The following RNF14 variants were observed in gnomAD, a reference collection of about 807,000 sequenced individuals.
The protein encoded by RNF14 is ring finger protein 14, also known as E3 ubiquitin-protein ligase RNF14.
A neutral mutation model predicts 52.6 loss-of-function variants in RNF14; 26 were observed. That is an observed-to-expected ratio of 0.49 (90% confidence interval 0.36 to 0.69). The LOEUF (loss-of-function observed/expected upper bound fraction) is 0.69. RNF14 is among the 30% of genes least tolerant of loss of function. The pLI is 0.00. For missense variants in RNF14, 404 were observed against 560.4 expected (o/e 0.72, Z 2.82); for synonymous variants, 194 against 202.0 (o/e 0.96, Z 0.34).
At chr5:141,979,979 A>G (rs1754620701) in intron 5 of RNF14, 144 bp from the exon 6 acceptor site, 2 of 663,026 alleles carry the variant, frequency 3.0e-6, no homozygotes, top group South Asian at 3.6e-5. Context: ...ATCTCAGTCA[A>G]AATGTACTTG....
Position 141,974,953 on chromosome 5 carries a change from CAGGTT to C in RNF14, c.306+1_306+5del, listed in dbSNP as rs1179463779. 6.2e-7 allele frequency: 1 copy of C among 1,613,462 alleles called. No individual in the cohort carries two copies. Among genetic ancestry groups the C allele is most frequent in the Non-Finnish European group, 8.5e-7 (1 of 1,179,836 alleles). On this transcript the variant is annotated splice_donor_variant and splice_donor_region_variant and coding_sequence_variant and intron_variant, in exon 4 of 9. Transcript: ENST00000394520. LOFTEE classifies it high-confidence loss of function. The stretch of plus-strand genomic sequence containing the variant: ...TAGTGGCAAATGGCTGTCACCAACT[CAGGTT>C]AGACTTGAAACTTAATTTTTCCTAT...
At position 141,978,715 on chromosome 5, in the gene RNF14, A is replaced by C; in HGVS notation, c.719A>C (p.His240Pro). The C allele has an allele frequency of 6.2e-7, 1 of 1,614,004 alleles. No homozygotes were observed. Reference sequence around the variant, plus strand: ...TGCATGTACTTCTTGGAGTGCAGGCATGTGTACTGCAAAGCCTGTCTGAAG... The same window carrying C: ...TGCATGTACTTCTTGGAGTGCAGGCCTGTGTACTGCAAAGCCTGTCTGAAG... ...SECMYFLECRHVYCKACLKDY... is the reference protein window; with the variant it reads ...SECMYFLECRPVYCKACLKDY... Residue 240 changes from histidine to proline, a missense_variant, in exon 5 of 9, where the codon CAT (histidine) becomes CCT (proline). His to Pro is a moderately conservative substitution (Grantham distance 77, BLOSUM62 -2). Coordinates refer to ENST00000394520, the MANE Select transcript of RNF14 (RefSeq NM_004290.5).
chr5:141,969,428 G>C (rs1351347150), intron 1 of RNF14: 2 of 152,370 alleles, frequency 1.3e-5, no homozygotes, highest in Non-Finnish European at 2.9e-5. Context: ...CTGGCCAGCA[G>C]CTCACACATC....
chr5:141,953,172 G>A, the RNF14 span: 2 of 152,170 alleles, frequency 1.3e-5, no homozygotes, highest in African/African-American at 2.4e-5. Flanking sequence ...GCCCAGACTC[G>A]AATCAGTCAG....
At chr5:141,980,731 G>A (rs1320487096) in intron 6 of RNF14, among the ~76,000 whole-genome samples, 1 of 152,224 alleles carries the variant, frequency 6.6e-6, no homozygotes, top group Non-Finnish European at 1.5e-5. Context: ...GGACTTGAAG[G>A]AGGTAAGAAA....
upstream of RNF14, chr5:141,956,196 C>G: frequency 6.2e-7 from 1 of 1,614,176 alleles, no homozygotes; most frequent in Non-Finnish European, 8.5e-7. Context: ...AGAGGCTGAC[C>G]CACACAGAGA....
chr5:141,973,324 C>T (rs1449595439), intron 2 of RNF14, among the ~76,000 whole-genome samples: 1 of 151,332 alleles, frequency 6.6e-6, no homozygotes, highest in Non-Finnish European at 1.5e-5. Flanking sequence ...CTGCAGTCTC[C>T]ACCTCCCGGT....
chr5:141,956,740 C>G (rs1269565038), upstream of RNF14: 5 of 1,614,142 alleles, frequency 3.1e-6, no homozygotes, highest in African/African-American at 5.3e-5. Context: ...AGCAATAAAA[C>G]TGTCCTTGGG....
intron 3 of RNF14, 131 bp downstream of exon 3, chr5:141,973,873 GTT>G: frequency 1.3e-6 from 1 of 753,576 alleles, no homozygotes; most frequent in Non-Finnish European, 2.0e-6. Context: ...GCATGTTTCT[GTT>G]TTAAATGAAA....
chr5:141,954,659 C>A (rs1305444175), upstream of RNF14, among the ~76,000 whole-genome samples: 1 of 152,166 alleles, frequency 6.6e-6, no homozygotes, highest in Non-Finnish European at 1.5e-5. Flanking sequence ...TTGTGAGGCA[C>A]CATAAATGCC....
chr5:141,953,831 G>A (rs529639867), upstream of RNF14, among the ~76,000 whole-genome samples: 54 of 152,362 alleles, frequency 3.5e-4, no homozygotes, highest in Middle Eastern at 3.4e-3. Context: ...TTCCTGAGGA[G>A]GGAATAGGGA....
chr5:141,984,101 CTT>C (rs201857998), intron 7 of RNF14, among the ~76,000 whole-genome samples: 27 of 136,568 alleles, frequency 2.0e-4, no homozygotes, highest in Non-Finnish European at 1.6e-4. Context: ...TATGTAATCA[CTT>C]TTTTTTTTTT....
At chr5:141,951,477 G>C in the RNF14 span, 1 of 1,602,316 alleles carries the variant, frequency 6.2e-7, no homozygotes, top group Non-Finnish European at 8.6e-7. Context: ...GCCTGTGGGG[G>C]CTACGTGCTG....
upstream of RNF14, chr5:141,955,598 AG>A (rs779774331): frequency 3.3e-5 from 54 of 1,614,036 alleles, no homozygotes; most frequent in Non-Finnish European, 4.4e-5. This position sits in a 1 kb window ranked among gnomAD's most constrained non-coding sequence, Gnocchi z 5.5. Flanking sequence ...GCCTCCCGAC[AG>A]TTGTAGGCCC....
At chr5:141,960,930 C>T (rs1487013071) in intron 1 of RNF14, among the ~76,000 whole-genome samples, 1 of 152,106 alleles carries the variant, frequency 6.6e-6, no homozygotes, top group Non-Finnish European at 1.5e-5. Context: ...GAGAAAACGG[C>T]ACAGAGGCAG....
At chr5:141,964,539 C>G (rs1753300970), upstream of RNF14, among the ~76,000 whole-genome samples, 1 of 152,172 alleles carries the variant, frequency 6.6e-6, no homozygotes, top group African/African-American at 2.4e-5. Flanking sequence ...ATAAGTAGCA[C>G]TTTAAGCGTT....
upstream of RNF14, chr5:141,958,026 G>T: frequency 1.4e-6 from 1 of 708,280 alleles, no homozygotes; most frequent in Non-Finnish European, 2.3e-6. Context: ...CCAAGGCAAG[G>T]CCATCTTCAT....
chr5:141,955,990 A>T (rs765468804), upstream of RNF14: 1 of 1,614,088 alleles, frequency 6.2e-7, no homozygotes. This position sits in a 1 kb window ranked among gnomAD's most constrained non-coding sequence, Gnocchi z 5.5. Context: ...TCTTGCCACA[A>T]TGGTTGTCAA....
At chr5:141,972,095 A>G (rs2126979808) in intron 2 of RNF14, among the ~76,000 whole-genome samples, 1 of 152,268 alleles carries the variant, frequency 6.6e-6, no homozygotes, top group East Asian at 1.9e-4. Context: ...AAAATTTAAT[A>G]TTATTTTGCT....
Sources: allele counts gnomAD v4.1 joint callset (sites outside exome capture counted in the v4.1 genomes callset), GRCh38; gene constraint gnomAD v4.1.1; non-coding constraint Gnocchi (gnomAD v3.1); transcripts MANE v1.5; gene names NCBI Gene and HGNC (gene_info 2026-07-23, HGNC 2026-07-21).